CSMD1: variants seen among roughly 807,000 people sequenced by gnomAD.
The protein encoded by CSMD1 is CUB and sushi domain-containing protein 1.
A neutral mutation model predicts 417.5 loss-of-function variants in CSMD1; 213 were observed. The observed-to-expected ratio is 0.51, with a 90% confidence interval of 0.46 to 0.57. The LOEUF (loss-of-function observed/expected upper bound fraction) is 0.57. Ranked by LOEUF, CSMD1 falls within the 20% of genes least tolerant of loss-of-function variation. CSMD1 has a pLI of 0.00. For missense variants in CSMD1, 6,923 were observed against 4,529.7 expected, an observed-to-expected ratio of 1.53 and a Z score of -15.17; for synonymous variants, 2,862 against 1,736.8, an observed-to-expected ratio of 1.65 and a Z score of -16.11.
chr8:3,579,676 C>A (rs1388348500), intron 9 of CSMD1, among the ~76,000 whole-genome samples: 1 of 152,174 alleles, frequency 6.6e-6, no homozygotes, highest in Non-Finnish European at 1.5e-5. Flanking sequence ...CTTAGGTAGT[C>A]AGTAGCTGTC....
intron 48 of CSMD1, among the ~76,000 whole-genome samples, chr8:3,090,372 A>G (rs1052151261): frequency 2.7e-5 from 4 of 149,670 alleles, no homozygotes; most frequent in African/African-American, 9.8e-5. Context: ...TGGAACAAGG[A>G]GTTTGCTGAA....
At chr8:4,600,745 C>T (rs1450041880) in intron 2 of CSMD1, among the ~76,000 whole-genome samples, 1 of 152,098 alleles carries the variant, frequency 6.6e-6, no homozygotes, top group Non-Finnish European at 1.5e-5. Flanking sequence ...CTCATCTGCT[C>T]TTTATGGGAA....
At chr8:3,725,300 C>A (rs568349639) in intron 6 of CSMD1, among the ~76,000 whole-genome samples, 1 of 152,292 alleles carries the variant, frequency 6.6e-6, no homozygotes, top group Admixed American at 6.5e-5. Context: ...AAGACCTGGA[C>A]AAGTGCTATT....
intron 23 of CSMD1, among the ~76,000 whole-genome samples, chr8:3,338,290 G>A (rs1456908544): frequency 1.3e-5 from 2 of 152,224 alleles, no homozygotes; most frequent in Non-Finnish European, 2.9e-5. Flanking sequence ...ATGCGTGGGT[G>A]CTGGGCGTTT....
chr8:4,281,469 T>C lies in CSMD1; in HGVS notation c.415+138484A>G, dbSNP rs112153943. On this transcript the variant is annotated intron_variant, in intron 3 of 69. Transcript: ENST00000635120. ...AGGAAACAATTTGAGACTGGCACAC[T>C]CCAACCTTCTGTTTCAAATTTCTGA... 4.2e-3 allele frequency among the ~76,000 whole-genome samples: 637 copies of C among 152,318 alleles called. 8 individuals carry two copies. Among genetic ancestry groups the C allele is most frequent in the African/African-American group, 0.015 (603 of 41,568 alleles).
chr8:4,635,887 T>C (rs1212974296), intron 2 of CSMD1, among the ~76,000 whole-genome samples: 1 of 152,082 alleles, frequency 6.6e-6, no homozygotes, highest in Non-Finnish European at 1.5e-5. Context: ...ACGGCCATTC[T>C]ACTATGTATG....
At chr8:4,704,490 G>A (rs1203685829) in intron 1 of CSMD1, among the ~76,000 whole-genome samples, 1 of 152,088 alleles carries the variant, frequency 6.6e-6, no homozygotes, top group African/African-American at 2.4e-5. Flanking sequence ...TTGAATTTTT[G>A]TAGTACTATT....
rs541234462 is a variant in CSMD1 at position 3,041,035 on chromosome 8, T to A, written c.7660+11427A>T. 1.3e-4 allele frequency among the ~76,000 whole-genome samples: 20 copies of A among 152,268 alleles called. No individual in the cohort carries two copies. The South Asian group carries it at 3.5e-3, about 27-fold the overall frequency. On this transcript the variant is annotated intron_variant, in intron 50 of 69. Transcript: ENST00000635120. Reference sequence around the variant, plus strand: ...AAGCATTTTTCTTCATATCGGTAAATAAATTATCAATATTTCTGTACAAGA... The same window carrying A: ...AAGCATTTTTCTTCATATCGGTAAAAAAATTATCAATATTTCTGTACAAGA...
At chr8:4,948,666 T>C (rs755665744) in intron 1 of CSMD1, among the ~76,000 whole-genome samples, 1 of 152,132 alleles carries the variant, frequency 6.6e-6, no homozygotes, top group Non-Finnish European at 1.5e-5. Context: ...GCTAGGTTGC[T>C]AAACTCATAT....
chr8:4,519,924 TGTGTGTGTGTGC>T (rs1461335703), intron 2 of CSMD1, among the ~76,000 whole-genome samples: 1 of 84,166 alleles, frequency 1.2e-5, no homozygotes, highest in Non-Finnish European at 3.5e-5. Context: ...TTATGTAGTG[TGTGTGTGTGTGC>T]GTGTGTGTGT....
At position 4,135,123 on chromosome 8, in the gene CSMD1, A is replaced by T. The variant is rs563619983; in HGVS notation, c.416-103024T>A. 1.8e-4 allele frequency among the ~76,000 whole-genome samples: 28 copies of T among 152,280 alleles called. No homozygotes were observed. In the South Asian group the frequency reaches 5.8e-3, roughly 32 times the overall value. Reference sequence around the variant, plus strand: ...ATAAATAATTGCATAAATGTTCTTGACGCACACAAAATATTGTCATATTCT... The same window carrying T: ...ATAAATAATTGCATAAATGTTCTTGTCGCACACAAAATATTGTCATATTCT... On this transcript the variant is annotated intron_variant, in intron 3 of 69. Coordinates refer to ENST00000635120, the MANE Select transcript of CSMD1 (RefSeq NM_033225.6).
At chr8:3,973,065 C>G (rs1220545252) in intron 5 of CSMD1, among the ~76,000 whole-genome samples, 2 of 152,302 alleles carry the variant, frequency 1.3e-5, no homozygotes, top group East Asian at 3.9e-4. Context: ...GCTTTGATAA[C>G]AAATGTTTGT....
chr8:3,528,049 G>A (rs1183233382), intron 10 of CSMD1, among the ~76,000 whole-genome samples: 1 of 152,142 alleles, frequency 6.6e-6, no homozygotes, highest in Admixed American at 6.5e-5. Context: ...TGTCCCCTGG[G>A]TGGCAAAATC....
intron 3 of CSMD1, among the ~76,000 whole-genome samples, chr8:4,090,046 A>G (rs955638498): frequency 1.3e-5 from 2 of 152,228 alleles, no homozygotes; most frequent in African/African-American, 4.8e-5. Context: ...TTGATTTATC[A>G]TAGGACATGT....
chr8:4,629,698 A>G (rs1802392118), intron 2 of CSMD1, among the ~76,000 whole-genome samples: 1 of 152,202 alleles, frequency 6.6e-6, no homozygotes, highest in Non-Finnish European at 1.5e-5. Flanking sequence ...ATTAATATTT[A>G]CATTGGTGAT....
At chr8:3,547,588 T>A (rs1798722030) in intron 10 of CSMD1, among the ~76,000 whole-genome samples, 1 of 152,220 alleles carries the variant, frequency 6.6e-6, no homozygotes, top group African/African-American at 2.4e-5. Context: ...TTATTTACAT[T>A]GCTTTACTAT....
Position 4,624,297 on chromosome 8 carries a change from G to C in CSMD1, c.302+13045C>G, listed in dbSNP as rs181231872. ...ACAAGCTATAGTAGGGAAAGGGTTA[G>C]CTAGTCTATTGCAGAAGAATTCTTC... On this transcript the variant is annotated intron_variant, in intron 2 of 69. Coordinates refer to ENST00000635120, the MANE Select transcript of CSMD1 (RefSeq NM_033225.6). Among the ~76,000 whole-genome samples, 6 of 152,184 alleles carry C rather than the reference G, an allele frequency of 3.9e-5. No homozygotes were observed. The East Asian group carries it at 7.8e-4, about 20-fold the overall frequency.
At chr8:3,631,081 G>A (rs764349034) in intron 7 of CSMD1, among the ~76,000 whole-genome samples, 1 of 152,144 alleles carries the variant, frequency 6.6e-6, no homozygotes, top group African/African-American at 2.4e-5. Context: ...TCTTCAGCCA[G>A]GTCTTCCTGT....
At chr8:4,966,145 C>A (rs1809841746) in intron 1 of CSMD1, among the ~76,000 whole-genome samples, 1 of 148,672 alleles carries the variant, frequency 6.7e-6, no homozygotes, top group Non-Finnish European at 1.5e-5. Context: ...AGGTGGATCA[C>A]CTGAGGTAAG....
Sources: gnomAD v4.1 joint callset for allele counts (sites outside exome capture counted in the v4.1 genomes callset) on GRCh38, gnomAD v4.1.1 for gene constraint, MANE v1.5 for transcripts, NCBI Gene and HGNC (gene_info 2026-07-23, HGNC 2026-07-21) for gene names.